ABCA4: variants seen among roughly 807,000 people sequenced by gnomAD.
ABCA4 encodes ATP binding cassette subfamily A member 4.
Under a neutral mutation model 263.7 loss-of-function variants are expected in ABCA4, and 196 were observed. That is an observed-to-expected ratio of 0.74 (90% confidence interval 0.66 to 0.84). ABCA4 has a LOEUF of 0.84. Among genes scored for constraint, ABCA4 ranks in the 40% least tolerant of loss-of-function variants. The pLI is 0.00. For synonymous variants in ABCA4, 1,133 were observed against 1,094.2 expected (o/e 1.04, Z -0.70); for missense variants, 2,792 against 2,855.1 (o/e 0.98, Z 0.50).
intron 19 of ABCA4, chr1:94,045,941 G>A (rs1301792726): frequency 2.2e-6 from 1 of 456,268 alleles, no homozygotes; most frequent in Non-Finnish European, 4.4e-6. Context: ...CGGGTCCCTT[G>A]GAGGAGAGTG....
intron 4 of ABCA4, among the ~76,000 whole-genome samples, chr1:94,103,535 G>T (rs1013114824): frequency 1.3e-5 from 2 of 152,158 alleles, no homozygotes; most frequent in Non-Finnish European, 2.9e-5. Flanking sequence ...GGTGCTGGTG[G>T]GTAGAGGCCA....
rs4147886 is a variant in ABCA4 at position 94,079,249 on chromosome 1, TCACA to T, written c.1239+69_1239+72del. The T allele has an allele frequency of 1.0e-3, 1,436 of 1,419,922 alleles. 4 individuals are homozygous for T. In the African/African-American group the frequency reaches 0.012, roughly 12 times the overall value. 88.0% of individuals were successfully genotyped at this position (1,419,922 alleles called of 1,614,324 possible). A position where few individuals can be genotyped will look rare whatever the true frequency, so the allele number is the denominator to read the frequency against. ...GTGCTACCAGGAAGGCACATCTCTC[TCACA>T]CACACACACACACACACACACTTCT... On this transcript the variant is annotated intron_variant, in intron 9 of 49. Transcript: ENST00000370225.
intron 26 of ABCA4, among the ~76,000 whole-genome samples, chr1:94,033,530 G>A (rs557116692): frequency 6.6e-6 from 1 of 152,216 alleles, no homozygotes; most frequent in Admixed American, 6.5e-5. Flanking sequence ...CAAGTTGTCG[G>A]TTATGTTGAA....
At chr1:94,022,954 C>T (rs370728098) in intron 32 of ABCA4, among the ~76,000 whole-genome samples, 6 of 152,254 alleles carry the variant, frequency 3.9e-5, no homozygotes, top group African/African-American at 1.4e-4. Context: ...AGGTTCTAAA[C>T]CTCTGGAAAT....
Position 94,113,144 on chromosome 1 carries a change from CCCT to C in ABCA4, c.67-81_67-79del, listed in dbSNP as rs1168491111. The stretch of plus-strand genomic sequence containing the variant: ...GAAAACGTAACCAGAGCAGACACAG[CCCT>C]CCTCAGATCCCATGTGTGCAGTAGG... On this transcript the variant is annotated intron_variant, in intron 1 of 49. Transcript: ENST00000370225. 1.2e-5 allele frequency: 16 copies of C among 1,350,000 alleles called. No homozygotes were observed. In the African/African-American group the frequency reaches 1.3e-4, roughly 11 times the overall value. 83.6% of individuals were successfully genotyped at this position (1,350,000 alleles called of 1,614,324 possible).
rs1231688819 is a variant in ABCA4, at chr1:94,062,659, T to C, written c.1855A>G (p.Ile619Val). 2 of 1,614,108 alleles carry C rather than the reference T, an allele frequency of 1.2e-6. No individual in the cohort carries two copies. The highest frequency in any genetic ancestry group is 1.1e-5 in the South Asian group (1 of 91,076). The change falls in exon 13 of 50, where the codon ATC (isoleucine) becomes GTC (valine). Residue 619 changes from isoleucine (I) to valine (V), a missense_variant. Coordinates refer to ENST00000370225, the MANE Select transcript of ABCA4 (RefSeq NM_000350.3). ...AYLQDMVEQGITRSQVQAEAP... is the reference protein window; with the variant it reads ...AYLQDMVEQGVTRSQVQAEAP... Reference sequence around the variant, plus strand: ...TCCGCCTGCACCTGGCTCCTTGTGATCCCCTGTTCAACCATGTCCTGCAGA... The same window carrying C: ...TCCGCCTGCACCTGGCTCCTTGTGACCCCCTGTTCAACCATGTCCTGCAGA...
Position 94,056,702 on chromosome 1 carries a change from C to T in ABCA4, c.2281G>A (p.Ala761Thr), listed in dbSNP as rs1660993248. 6.2e-7 allele frequency: 1 copy of T among 1,614,138 alleles called. No homozygotes were observed. Among genetic ancestry groups the T allele is most frequent in the Non-Finnish European group, 8.5e-7 (1 of 1,180,016 alleles). ...TAGATGACACCACTACAGGCTGCTG[C>T]CAGACTGGCCTTGGAGAAGAAGGTG... ...LSTFFSKASL[A>T]AACSGVIYFT... The change falls in exon 15 of 50, where the codon GCA becomes ACA. Residue 761 changes from alanine to threonine, a missense_variant. Ala to Thr is a moderately conservative substitution (Grantham distance 58, BLOSUM62 0). Coordinates refer to ENST00000370225, the MANE Select transcript of ABCA4 (RefSeq NM_000350.3).
intron 5 of ABCA4, among the ~76,000 whole-genome samples, chr1:94,102,166 G>A (rs374279778): frequency 1.3e-5 from 2 of 152,308 alleles, no homozygotes; most frequent in Non-Finnish European, 2.9e-5. Flanking sequence ...TGTGCAAGTC[G>A]TGAGTTAGTG....
intron 29 of ABCA4, 83 bp from the exon 30 acceptor site, chr1:94,029,714 T>A: frequency 7.6e-7 from 1 of 1,318,032 alleles, no homozygotes; most frequent in Non-Finnish European, 1.1e-6. Flanking sequence ...TGCCCAACCC[T>A]TTCCTCCTCC....
intron 23 of ABCA4, among the ~76,000 whole-genome samples, chr1:94,040,902 A>C (rs1402545184): frequency 6.6e-6 from 1 of 152,240 alleles, no homozygotes; most frequent in Non-Finnish European, 1.5e-5. Flanking sequence ...AATTGCTCTT[A>C]AAACAGCCTA....
At position 94,111,436 on chromosome 1, in the gene ABCA4, A is replaced by C. The variant is rs1662599742; in HGVS notation, c.302+2T>G. Reference sequence around the variant, plus strand: ...CTGCATGGTAGGGATCTCAACACTTACATGGAGTTGTTATAGTTTGACACA... The same window carrying C: ...CTGCATGGTAGGGATCTCAACACTTCCATGGAGTTGTTATAGTTTGACACA... On this transcript the variant is annotated splice_donor_variant, in intron 3 of 49. Coordinates refer to ENST00000370225, the MANE Select transcript of ABCA4 (RefSeq NM_000350.3). LOFTEE classifies it high-confidence loss of function. 6.2e-7 allele frequency: 1 copy of C among 1,613,798 alleles called. No homozygotes were observed. Among genetic ancestry groups the C allele is most frequent in the Non-Finnish European group, 8.5e-7 (1 of 1,179,942 alleles).
At chr1:94,053,313 T>C (rs566746254) in intron 16 of ABCA4, among the ~76,000 whole-genome samples, 1 of 152,320 alleles carries the variant, frequency 6.6e-6, no homozygotes, top group Non-Finnish European at 1.5e-5. Flanking sequence ...GTGGAGTCTG[T>C]GTGAATTCTG....
intron 44 of ABCA4, among the ~76,000 whole-genome samples, chr1:94,003,881 T>C (rs1312414616): frequency 6.6e-6 from 1 of 152,152 alleles, no homozygotes; most frequent in Non-Finnish European, 1.5e-5. Flanking sequence ...CAAGCGATCT[T>C]CCTACCTTGG....
intron 1 of ABCA4, among the ~76,000 whole-genome samples, chr1:94,113,419 A>G (rs1662666767): frequency 6.6e-6 from 1 of 152,196 alleles, no homozygotes; most frequent in African/African-American, 2.4e-5. Flanking sequence ...GCCCCACCAG[A>G]GCTTGCATTT....
At chr1:94,042,957 G>A (rs1387265197) in intron 21 of ABCA4, 59 bp from the exon 22 acceptor site, 4 of 1,610,156 alleles carry the variant, frequency 2.5e-6, no homozygotes, top group East Asian at 2.2e-5. Flanking sequence ...GAAGAGAAAG[G>A]CCCAGGGCAA....
At chr1:94,072,776 T>C (rs1413222709) in intron 11 of ABCA4, among the ~76,000 whole-genome samples, 1 of 152,158 alleles carries the variant, frequency 6.6e-6, no homozygotes, top group Admixed American at 6.5e-5. Context: ...CAAACCACCA[T>C]CATCTATTTT....
chr1:94,029,387 T>A, intron 30 of ABCA4, 58 bp downstream of exon 30: 14 of 1,410,526 alleles, frequency 9.9e-6, no homozygotes, highest in Non-Finnish European at 1.3e-5. Flanking sequence ...TACCAGGGAC[T>A]CCCCTAGTCC....
At chr1:94,102,510 C>A (rs547760120) in intron 5 of ABCA4, among the ~76,000 whole-genome samples, 2 of 152,084 alleles carry the variant, frequency 1.3e-5, no homozygotes, top group African/African-American at 4.8e-5. Flanking sequence ...GCCCCTCCGT[C>A]CCTCTCTAAC....
chr1:94,062,474 C>A, intron 13 of ABCA4, 103 bp downstream of exon 13: 1 of 1,448,784 alleles, frequency 6.9e-7, no homozygotes. Context: ...CTGGGGCTCT[C>A]TCTAAAGACA....
Sources: gnomAD v4.1 joint callset for allele counts (sites outside exome capture counted in the v4.1 genomes callset) on GRCh38, gnomAD v4.1.1 for gene constraint, MANE v1.5 for transcripts, NCBI Gene and HGNC (gene_info 2026-07-23, HGNC 2026-07-21) for gene names.